The following RPGRIP1L variants were observed in gnomAD, a reference collection of about 807,000 sequenced individuals.
The protein encoded by RPGRIP1L is RPGRIP1 like, also known as protein fantom.
In RPGRIP1L, 131 loss-of-function variants were observed where a neutral mutation model predicts 160.4. The ratio of observed to expected loss-of-function variants is 0.82; its 90% CI spans 0.71 to 0.94. The LOEUF is 0.94. Among genes scored for constraint, RPGRIP1L ranks in the 40% least tolerant of loss-of-function variants. The probability of loss-of-function intolerance (pLI) is 0.00; values close to 1 mark genes in which losing one functional copy is unlikely to be tolerated. For missense variants in RPGRIP1L, 1,522 were observed against 1,535.8 expected, an observed-to-expected ratio of 0.99 and a Z score of 0.15; for synonymous variants, 510 against 515.8, an observed-to-expected ratio of 0.99 and a Z score of 0.15.
chr16:53,649,147 T>C (rs766523633), intron 15 of RPGRIP1L, 32 bp from the exon 16 acceptor site: 9 of 1,597,138 alleles, frequency 5.6e-6, no homozygotes, highest in Middle Eastern at 1.7e-4. Context: ...AAGGTTAAAA[T>C]AGTTTCATAC....
chr16:53,609,197 T>C (rs1012835031), intron 25 of RPGRIP1L, among the ~76,000 whole-genome samples: 7 of 152,188 alleles, frequency 4.6e-5, no homozygotes, highest in East Asian at 1.9e-4. Context: ...CAAGCGGTCC[T>C]TCCTCCTCAA....
At chr16:53,677,951 G>A (rs758499794) in intron 6 of RPGRIP1L, among the ~76,000 whole-genome samples, 18 of 152,150 alleles carry the variant, frequency 1.2e-4, no homozygotes, top group Non-Finnish European at 1.9e-4. Flanking sequence ...TCAGACATTC[G>A]GATGAACTCT....
chr16:53,637,380 AG>A (rs760043756), intron 21 of RPGRIP1L, among the ~76,000 whole-genome samples: 6 of 152,214 alleles, frequency 3.9e-5, no homozygotes, highest in Non-Finnish European at 8.8e-5. Context: ...TAAAAAGTCA[AG>A]ACCTCTACGC....
At chr16:53,621,972 G>C (rs1364967433) in intron 23 of RPGRIP1L, among the ~76,000 whole-genome samples, 3 of 128,304 alleles carry the variant, frequency 2.3e-5, no homozygotes, top group African/African-American at 6.3e-5. Flanking sequence ...GCAGTGAGCC[G>C]AGATTGCGTT....
In RPGRIP1L at chr16:53,601,817, AG is replaced by A; in HGVS notation, c.*258del. 1 of 409,228 alleles carries A rather than the reference AG, an allele frequency of 2.4e-6. No homozygotes were observed. Among genetic ancestry groups the A allele is most frequent in the Non-Finnish European group, 4.5e-6 (1 of 222,146 alleles). 25.3% of individuals were successfully genotyped at this position (409,228 alleles called of 1,614,324 possible). A position where few individuals can be genotyped will look rare whatever the true frequency, so the allele number is the denominator to read the frequency against. On this transcript the variant is annotated 3_prime_UTR_variant, in exon 27 of 27. Coordinates refer to ENST00000647211, the MANE Select transcript of RPGRIP1L (RefSeq NM_015272.5). ...AATAGACTTTCTCACGCTATCACGT[AG>A]GTATAAATTATTGAGAAGGTACTGC...
chr16:53,636,043 A>G (rs1965814847), intron 22 of RPGRIP1L, among the ~76,000 whole-genome samples: 1 of 152,210 alleles, frequency 6.6e-6, no homozygotes, highest in South Asian at 2.1e-4. Context: ...TCTAGGTAAG[A>G]GTAGTCTATG....
At chr16:53,640,089 G>A (rs2151050739) in intron 19 of RPGRIP1L, among the ~76,000 whole-genome samples, 1 of 152,268 alleles carries the variant, frequency 6.6e-6, no homozygotes, top group African/African-American at 2.4e-5. Flanking sequence ...TATTTTTAAA[G>A]TACAGCTGAC....
chr16:53,654,179 G>A (rs1296169358), intron 14 of RPGRIP1L, among the ~76,000 whole-genome samples: 1 of 152,138 alleles, frequency 6.6e-6, no homozygotes, highest in African/African-American at 2.4e-5. Flanking sequence ...TGGCCATGCT[G>A]GTCTTGAACT....
At chr16:53,613,100 G>A (rs1964155924) in intron 24 of RPGRIP1L, among the ~76,000 whole-genome samples, 1 of 152,052 alleles carries the variant, frequency 6.6e-6, no homozygotes. Flanking sequence ...TCCTTCTTAA[G>A]GCTGTATAAT....
At chr16:53,635,773 A>C (rs1174945326) in intron 22 of RPGRIP1L, 4 of 152,214 alleles carry the variant, frequency 2.6e-5, no homozygotes, top group Non-Finnish European at 4.4e-5. Context: ...AGAAAAAGCT[A>C]GAGCTTTTTA....
chr16:53,610,351 A>G (rs1200803733), intron 25 of RPGRIP1L, among the ~76,000 whole-genome samples: 1 of 152,228 alleles, frequency 6.6e-6, no homozygotes, highest in Non-Finnish European at 1.5e-5. Flanking sequence ...ATGGCTTATT[A>G]AACAGTGATA....
At chr16:53,682,319 T>C (rs1969669291) in intron 6 of RPGRIP1L, among the ~76,000 whole-genome samples, 3 of 152,186 alleles carry the variant, frequency 2.0e-5, no homozygotes, top group Admixed American at 6.6e-5. Flanking sequence ...GTGACAAAAA[T>C]AGACTGCTAC....
intron 24 of RPGRIP1L, among the ~76,000 whole-genome samples, chr16:53,611,866 G>A (rs1284085044): frequency 6.6e-6 from 1 of 152,108 alleles, no homozygotes; most frequent in Non-Finnish European, 1.5e-5. Flanking sequence ...CTTTTTCATA[G>A]GCCATTTTGG....
At chr16:53,688,922 C>T (rs1371451581) in intron 4 of RPGRIP1L, among the ~76,000 whole-genome samples, 1 of 151,864 alleles carries the variant, frequency 6.6e-6, no homozygotes, top group Non-Finnish European at 1.5e-5. Context: ...TAGAATTTGC[C>T]AATTGTATTA....
intron 22 of RPGRIP1L, among the ~76,000 whole-genome samples, chr16:53,627,852 ATT>A (rs1965282129): frequency 1.3e-5 from 2 of 152,002 alleles, no homozygotes; most frequent in South Asian, 2.1e-4. Flanking sequence ...TCTATAGTAC[ATT>A]TATTTACCTG....
At position 53,640,976 on chromosome 16, in the gene RPGRIP1L, A is replaced by G. The variant is rs574673648; in HGVS notation, c.2958+57T>C. 460 of 1,231,444 alleles carry G rather than the reference A, an allele frequency of 3.7e-4. 8 individuals are homozygous for G. The South Asian group carries it at 5.3e-3, about 14-fold the overall frequency. 76.3% of individuals were successfully genotyped at this position (1,231,444 alleles called of 1,614,324 possible). On this transcript the variant is annotated intron_variant, in intron 19 of 26. Coordinates refer to ENST00000647211, the MANE Select transcript of RPGRIP1L (RefSeq NM_015272.5). ...CAGGTAGGGAATAATATGCCTATATAATTTATTTCAAATATTTGTTATGAA... is the reference window on the plus strand; with the variant it reads ...CAGGTAGGGAATAATATGCCTATATGATTTATTTCAAATATTTGTTATGAA...
At chr16:53,674,939 T>A (rs1406482535) in intron 7 of RPGRIP1L, 78 bp downstream of exon 7, 1 of 935,478 alleles carries the variant, frequency 1.1e-6, no homozygotes, top group Non-Finnish European at 1.7e-6. Context: ...TAATTCCATG[T>A]TAAAAAAACA....
Position 53,601,787 on chromosome 16 carries a change from A to T in RPGRIP1L, c.*289T>A, listed in dbSNP as rs1963387996. The stretch of plus-strand genomic sequence containing the variant: ...GGTTCTTCCTAAGAAAATGTTGAAA[A>T]TGCAAATAGACTTTCTCACGCTATC... On this transcript the variant is annotated 3_prime_UTR_variant, in exon 27 of 27. Coordinates refer to ENST00000647211, the MANE Select transcript of RPGRIP1L (RefSeq NM_015272.5). 2 of 276,952 alleles carry T rather than the reference A, an allele frequency of 7.2e-6. No individual in the cohort carries two copies. The highest frequency in any genetic ancestry group is 1.4e-5 in the Non-Finnish European group (2 of 144,260). The allele number at this position is 276,952 out of a possible 1,614,324, so 17.2% of individuals were successfully genotyped here. A position where few individuals can be genotyped will look rare whatever the true frequency, so the allele number is the denominator to read the frequency against.
At chr16:53,646,663 G>A (rs1966569027) in intron 16 of RPGRIP1L, among the ~76,000 whole-genome samples, 1 of 152,164 alleles carries the variant, frequency 6.6e-6, no homozygotes, top group Admixed American at 6.5e-5. Flanking sequence ...GAAAAGTATT[G>A]TGCTGACTGT....
Sources: gnomAD v4.1 joint callset for allele counts (sites outside exome capture counted in the v4.1 genomes callset) on GRCh38, gnomAD v4.1.1 for gene constraint, MANE v1.5 for transcripts, NCBI Gene and HGNC (gene_info 2026-07-23, HGNC 2026-07-21) for gene names.